Variants in RARS2 observed in about 807,000 individuals in gnomAD.
RARS2 encodes probable arginine--tRNA ligase, mitochondrial.
A neutral mutation model predicts 88.5 loss-of-function variants in RARS2; 67 were observed. The ratio of observed to expected loss-of-function variants is 0.76; its 90% CI spans 0.62 to 0.93. RARS2 has a LOEUF of 0.93. Among genes scored for constraint, RARS2 ranks in the 40% least tolerant of loss-of-function variants. RARS2 has a pLI of 0.00. For synonymous variants in RARS2, 239 were observed against 230.3 expected (o/e 1.04, Z -0.34); for missense variants, 664 against 684.2 (o/e 0.97, Z 0.33).
Position 87,540,446 on chromosome 6 carries a change from C to CAAAAA in RARS2, c.612+1467_612+1471dup, listed in dbSNP as rs34144204. Among the ~76,000 whole-genome samples the CAAAAA allele has an allele frequency of 1.2e-4, 5 of 42,322 alleles. 1 individual carries two copies. Among genetic ancestry groups the CAAAAA allele is most frequent in the African/African-American group, 4.8e-4 (5 of 10,476 alleles). 27.8% of individuals were successfully genotyped at this position (42,322 alleles called of 152,430 possible). On this transcript the variant is annotated intron_variant, in intron 8 of 19. Coordinates refer to ENST00000369536, the MANE Select transcript of RARS2 (RefSeq NM_020320.5). ...GCCTAGGCAACAGTGTGAGACTCCT[C>CAAAAA]AAAAAAAAAAAAAAAAAAAAAAAAC...
At chr6:87,516,674 G>T (rs577284694) in intron 18 of RARS2, 132 bp downstream of exon 18, 1 of 1,293,880 alleles carries the variant, frequency 7.7e-7, no homozygotes, top group African/African-American at 1.5e-5. Flanking sequence ...AATTTGTATA[G>T]ATGAAGCAAT....
chr6:87,522,333 TAAA>T (rs34710568), intron 11 of RARS2, among the ~76,000 whole-genome samples: 293 of 88,738 alleles, frequency 3.3e-3, no homozygotes, highest in African/African-American at 0.012. Context: ...CCGTCTCAAT[TAAA>T]AAAAAAAAAA....
chr6:87,533,210 T>C (rs1261941760), intron 8 of RARS2, among the ~76,000 whole-genome samples: 1 of 152,170 alleles, frequency 6.6e-6, no homozygotes, highest in Non-Finnish European at 1.5e-5. Flanking sequence ...CATTATGATA[T>C]GACTATTTTA....
chr6:87,547,280 T>C (rs999744886), intron 6 of RARS2, among the ~76,000 whole-genome samples: 5 of 152,244 alleles, frequency 3.3e-5, no homozygotes, highest in African/African-American at 4.8e-5. Context: ...ATATTTCTTA[T>C]ACTTTTTCAT....
intron 1 of RARS2, among the ~76,000 whole-genome samples, chr6:87,577,693 C>G (rs1771992649): frequency 6.6e-6 from 1 of 152,036 alleles, no homozygotes; most frequent in Non-Finnish European, 1.5e-5. Flanking sequence ...ACTAAACAGA[C>G]TATAAATGTT....
At chr6:87,548,309 TC>T (rs2128126072) in intron 6 of RARS2, among the ~76,000 whole-genome samples, 1 of 152,282 alleles carries the variant, frequency 6.6e-6, no homozygotes, top group African/African-American at 2.4e-5. Flanking sequence ...ATCTTTCAGG[TC>T]TTCCCCATAT....
At chr6:87,589,864 A>G in intron 1 of RARS2, 58 bp downstream of exon 1, 2 of 1,614,042 alleles carry the variant, frequency 1.2e-6, no homozygotes, top group Non-Finnish European at 1.7e-6. Context: ...GCAGCGGTGA[A>G]AGGCCTTTGG....
intron 4 of RARS2, among the ~76,000 whole-genome samples, chr6:87,559,463 C>CCAAAA (rs1394106691): frequency 2.5e-4 from 23 of 93,276 alleles, no homozygotes; most frequent in African/African-American, 4.6e-4. Flanking sequence ...AACTCTGTCT[C>CCAAAA]AAAAAAAAAA....
chr6:87,530,880 C>T lies in RARS2; in HGVS notation c.675G>A (p.Glu225=). The change falls in exon 9 of 20, where the codon GAG becomes GAA. Residue 225 remains glutamate, a synonymous_variant. Transcript: ENST00000369536. ...DDKSVAKAAQ[E]FFQRLELGDV... is the part of the protein sequence containing the mutation. ...CGCCCAGTTCCAATCGTTGGAAGAA[C>T]TCCTGTGCTGCTTTTGCTACACTTT... The T allele has an allele frequency of 6.2e-7, 1 of 1,614,220 alleles. No homozygotes were observed. Among genetic ancestry groups the T allele is most frequent in the South Asian group, 1.1e-5 (1 of 91,084 alleles).
chr6:87,545,481 TA>T (rs1782333122), intron 7 of RARS2, 134 bp downstream of exon 7: 2 of 1,065,778 alleles, frequency 1.9e-6, no homozygotes, highest in African/African-American at 1.7e-5. Flanking sequence ...AAAGAGCCAT[TA>T]GGGAAAAAAA....
At chr6:87,583,398 T>G (rs1370755617) in intron 1 of RARS2, among the ~76,000 whole-genome samples, 2 of 152,156 alleles carry the variant, frequency 1.3e-5, no homozygotes, top group Non-Finnish European at 2.9e-5. Flanking sequence ...GAGACCAGAC[T>G]GACCAAAATG....
At chr6:87,565,842 G>GA (rs1312845776) in intron 2 of RARS2, among the ~76,000 whole-genome samples, 1 of 152,200 alleles carries the variant, frequency 6.6e-6, no homozygotes, top group Non-Finnish European at 1.5e-5. Flanking sequence ...TCACTGGAAT[G>GA]AAAAAACTTA....
At chr6:87,549,350 C>T (rs1258542310) in intron 5 of RARS2, among the ~76,000 whole-genome samples, 1 of 150,980 alleles carries the variant, frequency 6.6e-6, no homozygotes, top group African/African-American at 2.4e-5. Flanking sequence ...GAGCAAAACT[C>T]TGTCTCAAAA....
chr6:87,518,954 T>C lies in RARS2; in HGVS notation c.1238-63A>G, dbSNP rs1772778542. On this transcript the variant is annotated intron_variant, in intron 14 of 19. Coordinates refer to ENST00000369536, the MANE Select transcript of RARS2 (RefSeq NM_020320.5). Reference sequence around the variant, plus strand: ...ACACTGTGCCAATCATGGATCCAAGTGAAGGTAACATCTGCCAAAAATGTA... The same window carrying C: ...ACACTGTGCCAATCATGGATCCAAGCGAAGGTAACATCTGCCAAAAATGTA... The C allele has an allele frequency of 2.0e-6, 3 of 1,520,366 alleles. No individual in the cohort carries two copies. In the Middle Eastern group the frequency reaches 5.1e-4, roughly 258 times the overall value. The allele number at this position is 1,520,366 out of a possible 1,614,324, so 94.2% of individuals were successfully genotyped here.
chr6:87,572,821 C>T (rs557342306), intron 1 of RARS2, among the ~76,000 whole-genome samples: 1 of 152,130 alleles, frequency 6.6e-6, no homozygotes, highest in African/African-American at 2.4e-5. Context: ...TAAATTTATA[C>T]CAGAAAACTC....
chr6:87,539,948 C>T (rs573285635), intron 8 of RARS2, among the ~76,000 whole-genome samples: 53 of 152,166 alleles, frequency 3.5e-4, no homozygotes, highest in African/African-American at 1.2e-3. Flanking sequence ...TAAATAAATA[C>T]AGTAAAAACT....
intron 12 of RARS2, 84 bp downstream of exon 12, chr6:87,521,380 A>T: frequency 9.3e-7 from 1 of 1,069,810 alleles, no homozygotes; most frequent in Non-Finnish European, 1.4e-6. Context: ...GTAGTTTTCC[A>T]TAGTTTTTCA....
intron 18 of RARS2, 152 bp downstream of exon 18, chr6:87,516,654 A>C: frequency 8.9e-7 from 1 of 1,126,904 alleles, no homozygotes. Context: ...ATGAAGGAAC[A>C]TTAACTGCTA....
At chr6:87,583,737 T>C (rs1307205089) in intron 1 of RARS2, among the ~76,000 whole-genome samples, 3 of 152,132 alleles carry the variant, frequency 2.0e-5, no homozygotes, top group Non-Finnish European at 4.4e-5. Flanking sequence ...ACATATAGAA[T>C]ACAAAGAATT....
Sources: allele counts gnomAD v4.1 joint callset (sites outside exome capture counted in the v4.1 genomes callset), GRCh38; gene constraint gnomAD v4.1.1; transcripts MANE v1.5; gene names NCBI Gene and HGNC (gene_info 2026-07-23, HGNC 2026-07-21).